ABTB2: variants seen among roughly 807,000 people sequenced by gnomAD.
The protein encoded by ABTB2 is ankyrin repeat and BTB domain containing 2.
Under a neutral mutation model 104.1 loss-of-function variants are expected in ABTB2, and 56 were observed. That is an observed-to-expected ratio of 0.54 (90% CI 0.43 to 0.67). The LOEUF is 0.67. Ranked by LOEUF, ABTB2 falls within the 30% of genes least tolerant of loss-of-function variation. ABTB2 has a pLI of 0.00. For missense variants in ABTB2, 1,279 were observed against 1,407.7 expected (o/e 0.91, Z 1.46); for synonymous variants, 606 against 608.2 (o/e 1.00, Z 0.05).
chr11:34,269,626 A>T (rs906934398), intron 1 of ABTB2, among the ~76,000 whole-genome samples: 2 of 152,250 alleles, frequency 1.3e-5, no homozygotes, highest in Admixed American at 1.3e-4. Context: ...TGTCCCAACG[A>T]GCCTTCATGT....
chr11:34,215,451 A>G (rs1853539885), intron 1 of ABTB2, among the ~76,000 whole-genome samples: 1 of 152,246 alleles, frequency 6.6e-6, no homozygotes, highest in Non-Finnish European at 1.5e-5. Flanking sequence ...TATATTCATC[A>G]GAGAATATTC....
At chr11:34,346,382 G>A (rs533786809) in intron 1 of ABTB2, among the ~76,000 whole-genome samples, 5 of 152,228 alleles carry the variant, frequency 3.3e-5, no homozygotes, top group African/African-American at 1.2e-4. Flanking sequence ...CCACAGTGCC[G>A]GCCTGCCAGG....
At chr11:34,291,713 C>T (rs1854566653) in intron 1 of ABTB2, among the ~76,000 whole-genome samples, 1 of 152,172 alleles carries the variant, frequency 6.6e-6, no homozygotes, top group Non-Finnish European at 1.5e-5. Flanking sequence ...CCAGGCTGGT[C>T]TCAAACTCCT....
chr11:34,277,144 T>C lies in ABTB2; in HGVS notation c.884-72454A>G, dbSNP rs536362566. 2.1e-4 allele frequency among the ~76,000 whole-genome samples: 32 copies of C among 152,230 alleles called. No individual in the cohort carries two copies. The South Asian group carries it at 6.2e-3, about 30-fold the overall frequency. The stretch of plus-strand genomic sequence containing the variant: ...CTCGAACTCCTGACCTCAGGTGACC[T>C]ACCCGACTCAGCCTCTCAAAGTGCT... On this transcript the variant is annotated intron_variant, in intron 1 of 16. Coordinates refer to ENST00000435224, the MANE Select transcript of ABTB2 (RefSeq NM_145804.3).
At chr11:34,280,451 C>T (rs922257678) in intron 1 of ABTB2, among the ~76,000 whole-genome samples, 2 of 152,136 alleles carry the variant, frequency 1.3e-5, no homozygotes, top group African/African-American at 4.8e-5. Flanking sequence ...CGACTCAGCA[C>T]CTTCCTAACT....
At chr11:34,193,710 T>C (rs917771242) in intron 3 of ABTB2, among the ~76,000 whole-genome samples, 7 of 152,250 alleles carry the variant, frequency 4.6e-5, no homozygotes, top group Non-Finnish European at 1.0e-4. Flanking sequence ...TAGAATTACT[T>C]AGCCCCATTT....
In ABTB2 at chr11:34,236,306, C is replaced by T. The variant is rs376079488; in HGVS notation, c.884-31616G>A. ...GCTGAGAAAATATGGAAATTTTCTT[C>T]TTCCTTTGCTCTTGTTGTAGAAGGG... On this transcript the variant is annotated intron_variant, in intron 1 of 16. Transcript: ENST00000435224. 9.9e-5 allele frequency among the ~76,000 whole-genome samples: 15 copies of T among 152,276 alleles called. No individual in the cohort carries two copies. In the East Asian group the frequency reaches 2.7e-3, roughly 27 times the overall value.
chr11:34,260,201 G>C (rs10768056), intron 1 of ABTB2, among the ~76,000 whole-genome samples: 1 of 152,012 alleles, frequency 6.6e-6, no homozygotes, highest in Non-Finnish European at 1.5e-5. Context: ...GAGGACAGAA[G>C]TGTACCCACC....
At chr11:34,174,992 G>A (rs1852943334) in intron 3 of ABTB2, among the ~76,000 whole-genome samples, 1 of 152,254 alleles carries the variant, frequency 6.6e-6, no homozygotes, top group African/African-American at 2.4e-5. Context: ...ACTCCCTCGG[G>A]GCTCTTGGAG....
intron 1 of ABTB2, among the ~76,000 whole-genome samples, chr11:34,331,126 G>T (rs1212126003): frequency 1.3e-5 from 2 of 152,168 alleles, no homozygotes; most frequent in African/African-American, 2.4e-5. Flanking sequence ...AGAGACAGCT[G>T]TGGTAAAACC....
At chr11:34,172,565 T>C (rs2955938) in intron 4 of ABTB2, among the ~76,000 whole-genome samples, 148,483 of 151,648 alleles carry the variant, frequency 0.98, 72,762 homozygotes, top group East Asian at 1. Context: ...GTGAGAGGCA[T>C]TTAGGGAAGG....
At chr11:34,229,090 A>G (rs1324180448) in intron 1 of ABTB2, among the ~76,000 whole-genome samples, 4 of 133,942 alleles carry the variant, frequency 3.0e-5, no homozygotes, top group Non-Finnish European at 6.2e-5. Flanking sequence ...ACTGCACTCC[A>G]GCCTGGGAGA....
intron 1 of ABTB2, among the ~76,000 whole-genome samples, chr11:34,348,923 A>G (rs929758104): frequency 4.6e-5 from 7 of 152,132 alleles, no homozygotes; most frequent in African/African-American, 1.7e-4. Flanking sequence ...AACAGTCAAG[A>G]TTCTTGTCCC....
chr11:34,160,827 CCTGTGTGTCCAT>C (rs757128957), intron 11 of ABTB2, 64 bp downstream of exon 11: 101 of 1,472,764 alleles, frequency 6.9e-5, no homozygotes, highest in Non-Finnish European at 7.7e-5. Flanking sequence ...CACGTGTCTG[CCTGTGTGTCCAT>C]CTGTGTGTCC....
chr11:34,324,977 TG>T, intron 1 of ABTB2, among the ~76,000 whole-genome samples: 1 of 152,150 alleles, frequency 6.6e-6, no homozygotes, highest in East Asian at 1.9e-4. Flanking sequence ...GTTCTTTTTT[TG>T]GTTTGTTCTT....
At chr11:34,274,631 A>G (rs555492801) in intron 1 of ABTB2, among the ~76,000 whole-genome samples, 1 of 151,404 alleles carries the variant, frequency 6.6e-6, no homozygotes, top group African/African-American at 2.4e-5. Flanking sequence ...GGCACACCTC[A>G]GCTGGATAAC....
intron 1 of ABTB2, among the ~76,000 whole-genome samples, chr11:34,243,185 G>A (rs1434038572): frequency 6.6e-6 from 1 of 152,152 alleles, no homozygotes; most frequent in Admixed American, 6.5e-5. Flanking sequence ...TCTCTACACT[G>A]ACCAGCAAAG....
At chr11:34,205,511 T>G (rs754502024) in intron 1 of ABTB2, among the ~76,000 whole-genome samples, 9 of 152,196 alleles carry the variant, frequency 5.9e-5, no homozygotes, top group Non-Finnish European at 1.2e-4. Flanking sequence ...AGATTCTAGT[T>G]GCAGTCAGAA....
chr11:34,247,266 C>G (rs1590229129), intron 1 of ABTB2, among the ~76,000 whole-genome samples: 1 of 152,202 alleles, frequency 6.6e-6, no homozygotes, highest in East Asian at 1.9e-4. Flanking sequence ...AGCACCACCC[C>G]CTCCCAAAGC....
Sources: gnomAD v4.1 joint callset for allele counts (sites outside exome capture counted in the v4.1 genomes callset) on GRCh38, gnomAD v4.1.1 for gene constraint, MANE v1.5 for transcripts, NCBI Gene and HGNC (gene_info 2026-07-23, HGNC 2026-07-21) for gene names.